Variants in MSI2 observed in about 807,000 individuals in gnomAD.
MSI2 encodes musashi RNA binding protein 2.
A neutral mutation model predicts 45.6 loss-of-function variants in MSI2; 17 were observed. The observed-to-expected ratio is 0.37, with a 90% confidence interval of 0.26 to 0.56. The LOEUF is 0.56. Among genes scored for constraint, MSI2 ranks in the 20% least tolerant of loss-of-function variants. The pLI is 0.77. For synonymous variants in MSI2, 156 were observed against 158.2 expected, an observed-to-expected ratio of 0.99 and a Z score of 0.11; for missense variants, 293 against 444.2, an observed-to-expected ratio of 0.66 and a Z score of 3.06.
At chr17:57,391,645 G>A (rs1024212641) in intron 5 of MSI2, among the ~76,000 whole-genome samples, 3 of 152,044 alleles carry the variant, frequency 2.0e-5, no homozygotes, top group Admixed American at 6.6e-5. Flanking sequence ...TGGGCAACTC[G>A]GGCTCCCACT....
At position 57,679,647 on chromosome 17, in the gene MSI2, C is replaced by T; in HGVS notation, c.*130C>T. The T allele has an allele frequency of 4.7e-6, 5 of 1,055,744 alleles. No individual in the cohort carries two copies. The highest frequency in any genetic ancestry group is 5.7e-6 in the Non-Finnish European group (5 of 870,482). The allele number at this position is 1,055,744 out of a possible 1,614,324, so 65.4% of individuals were successfully genotyped here. On this transcript the variant is annotated 3_prime_UTR_variant, in exon 14 of 14. Transcript: ENST00000284073. The stretch of plus-strand genomic sequence containing the variant: ...CTGGACCCCCACCAGCCTCACTCCC[C>T]ATCCCAACCAGAGATGGCTCACTTC...
At chr17:57,283,259 G>T (rs1328941684) in intron 5 of MSI2, among the ~76,000 whole-genome samples, 1 of 152,124 alleles carries the variant, frequency 6.6e-6, no homozygotes, top group Admixed American at 6.5e-5. Context: ...AGTCTCTGGA[G>T]TGAGTGCTGG....
intron 5 of MSI2, among the ~76,000 whole-genome samples, chr17:57,373,080 T>C (rs753608699): frequency 6.6e-6 from 1 of 151,930 alleles, no homozygotes; most frequent in Non-Finnish European, 1.5e-5. Flanking sequence ...GGTAGAGACA[T>C]ATCTGTCTCT....
intron 6 of MSI2, among the ~76,000 whole-genome samples, chr17:57,463,412 C>T (rs576888272): frequency 9.2e-5 from 14 of 152,274 alleles, no homozygotes; most frequent in Non-Finnish European, 1.5e-5. Context: ...CACCCCCTGT[C>T]AAGCCAGTCA....
intron 6 of MSI2, among the ~76,000 whole-genome samples, chr17:57,404,387 G>A (rs545272586): frequency 7.2e-5 from 11 of 152,288 alleles, no homozygotes; most frequent in South Asian, 2.1e-4. Flanking sequence ...AGTGTGCCCC[G>A]GAGTGCTGGG....
Position 57,495,546 on chromosome 17 carries a change from A to AG in MSI2, c.406-34130_406-34129insG, listed in dbSNP as rs1567858384. 7.1e-4 allele frequency among the ~76,000 whole-genome samples: 106 copies of AG among 149,692 alleles called. 3 individuals carry two copies. The highest frequency in any genetic ancestry group is 2.5e-3 in the African/African-American group (100 of 40,196). On this transcript the variant is annotated intron_variant, in intron 6 of 13. Coordinates refer to ENST00000284073, the MANE Select transcript of MSI2 (RefSeq NM_138962.4). The stretch of plus-strand genomic sequence containing the variant: ...AGACTCTGTCTCAAAAAAAAAAAAA[A>AG]AAAAAAGAAAGCTTTACTTGGCTTC...
At chr17:57,377,751 C>T (rs577541164) in intron 5 of MSI2, among the ~76,000 whole-genome samples, 113 of 152,138 alleles carry the variant, frequency 7.4e-4, no homozygotes, top group Middle Eastern at 3.4e-3. Context: ...CTAGATAGAA[C>T]CTGTCTTCCA....
chr17:57,342,900 C>T (rs949368833), intron 5 of MSI2, among the ~76,000 whole-genome samples: 1 of 152,156 alleles, frequency 6.6e-6, no homozygotes. Context: ...CATACACACA[C>T]ATTTTGAAAT....
At chr17:57,356,031 GC>G (rs1598162607) in intron 5 of MSI2, among the ~76,000 whole-genome samples, 1 of 151,690 alleles carries the variant, frequency 6.6e-6, no homozygotes, top group East Asian at 1.9e-4. Context: ...CCACCCCCAC[GC>G]CCAGCTAATT....
At chr17:57,622,275 C>T (rs1008443823) in intron 9 of MSI2, among the ~76,000 whole-genome samples, 2 of 152,238 alleles carry the variant, frequency 1.3e-5, no homozygotes, top group African/African-American at 4.8e-5. Context: ...GAGGTGCCCA[C>T]AGTTATCCAG....
Position 57,458,389 on chromosome 17 carries a change from C to T in MSI2, c.405+56918C>T, listed in dbSNP as rs531957297. On this transcript the variant is annotated intron_variant, in intron 6 of 13. Coordinates refer to ENST00000284073, the MANE Select transcript of MSI2 (RefSeq NM_138962.4). The stretch of plus-strand genomic sequence containing the variant: ...TGCTGGGATTATAGGCGTGAGCCAC[C>T]GTGCCCGGCCACATATTTTTAATAT... 1.2e-4 allele frequency among the ~76,000 whole-genome samples: 19 copies of T among 152,282 alleles called. No individual in the cohort carries two copies. In the South Asian group the frequency reaches 2.1e-3, roughly 17 times the overall value.
intron 11 of MSI2, among the ~76,000 whole-genome samples, chr17:57,674,325 T>A (rs182311925): frequency 0.019 from 2,742 of 142,310 alleles, 68 homozygotes; most frequent in African/African-American, 0.058. Flanking sequence ...TTGTCTTTTT[T>A]AAAAAAAAAA....
intron 10 of MSI2, chr17:57,632,436 C>G: frequency 9.4e-7 from 1 of 1,065,990 alleles, no homozygotes; most frequent in Non-Finnish European, 1.1e-6. Context: ...TGTCTGTCTT[C>G]GAGAAGGGAC....
intron 11 of MSI2, among the ~76,000 whole-genome samples, chr17:57,659,510 TG>T (rs1911845546): frequency 6.6e-6 from 1 of 152,222 alleles, no homozygotes; most frequent in Non-Finnish European, 1.5e-5. Context: ...GTTTTTGTTT[TG>T]TTTTTGTGAG....
intron 6 of MSI2, among the ~76,000 whole-genome samples, chr17:57,457,175 A>G (rs1184557220): frequency 6.6e-6 from 1 of 152,254 alleles, no homozygotes; most frequent in Non-Finnish European, 1.5e-5. Context: ...AACTCCTATC[A>G]CTTCACAGCT....
At chr17:57,475,361 C>T (rs2085517607) in intron 6 of MSI2, among the ~76,000 whole-genome samples, 1 of 152,060 alleles carries the variant, frequency 6.6e-6, no homozygotes, top group South Asian at 2.1e-4. Flanking sequence ...AGGTGTGCCC[C>T]AAGGACACAT....
At chr17:57,632,449 T>C (rs1226250837) in intron 10 of MSI2, 1 of 1,066,024 alleles carries the variant, frequency 9.4e-7, no homozygotes, top group Non-Finnish European at 1.1e-6. Context: ...GAAGGGACAG[T>C]GGAGTCATCC....
chr17:57,600,613 C>T (rs1428295111), intron 8 of MSI2, among the ~76,000 whole-genome samples: 1 of 152,104 alleles, frequency 6.6e-6, no homozygotes, highest in Non-Finnish European at 1.5e-5. Context: ...GCAGAAGGGC[C>T]AGGAGAAGGC....
chr17:57,446,424 A>G (rs532727768), intron 6 of MSI2, among the ~76,000 whole-genome samples: 1 of 152,296 alleles, frequency 6.6e-6, no homozygotes, highest in Admixed American at 6.5e-5. Context: ...AAGAAGCTAA[A>G]AGTGAAGGAC....
Sources: allele counts gnomAD v4.1 joint callset (sites outside exome capture counted in the v4.1 genomes callset), GRCh38; gene constraint gnomAD v4.1.1; transcripts MANE v1.5; gene names NCBI Gene and HGNC (gene_info 2026-07-23, HGNC 2026-07-21).